Variants in TP73 observed in about 807,000 individuals in gnomAD.
TP73 encodes the protein p53-like transcription factor.
TP73 carries 25 observed loss-of-function variants against 62.5 expected under a neutral mutation model. The ratio of observed to expected loss-of-function variants is 0.40; its 90% CI spans 0.29 to 0.56. The LOEUF is 0.56. TP73 is among the 20% of genes least tolerant of loss of function. The probability of loss-of-function intolerance (pLI) is 0.46; values close to 1 mark genes in which losing one functional copy is unlikely to be tolerated. For synonymous variants in TP73, 423 were observed against 377.5 expected (o/e 1.12, Z -1.40); for missense variants, 754 against 913.3 (o/e 0.83, Z 2.25).
At chr1:3,693,170 G>A (rs138436018) in intron 3 of TP73, among the ~76,000 whole-genome samples, 9 of 152,322 alleles carry the variant, frequency 5.9e-5, no homozygotes, top group Admixed American at 2.6e-4. Context: ...CCTAATGGGC[G>A]GAGTGGTGAC....
chr1:3,673,408 G>A (rs1570399836), intron 1 of TP73, among the ~76,000 whole-genome samples: 3 of 152,188 alleles, frequency 2.0e-5, no homozygotes, highest in Non-Finnish European at 4.4e-5. Context: ...ATGGCAACTC[G>A]ATACGGTTTA....
chr1:3,684,973 C>T lies in TP73; in HGVS notation c.186+1793C>T, dbSNP rs1220623743. On this transcript the variant is annotated intron_variant, in intron 3 of 13. Transcript: ENST00000378295. ...TGCTCTCTGGGGACAAGGGTCCTGA[C>T]CCCACCCCCTCCAGGTCCCCTTCTG... Among the ~76,000 whole-genome samples the T allele has an allele frequency of 3.9e-5, 6 of 152,262 alleles. No individual in the cohort carries two copies. In the East Asian group the frequency reaches 9.7e-4, roughly 25 times the overall value.
intron 12 of TP73, among the ~76,000 whole-genome samples, 171 bp from the exon 13 acceptor site, chr1:3,731,292 C>A (rs1642119548): frequency 6.6e-6 from 1 of 152,236 alleles, no homozygotes; most frequent in South Asian, 2.1e-4. Context: ...GACCTGTCCC[C>A]AGCTGAGCAC....
chr1:3,687,291 G>C (rs1645683470), intron 3 of TP73, among the ~76,000 whole-genome samples: 1 of 152,192 alleles, frequency 6.6e-6, no homozygotes, highest in South Asian at 2.1e-4. Context: ...CAGGACCCTG[G>C]CTGGTTCCCT....
intron 7 of TP73, 120 bp downstream of exon 7, chr1:3,727,344 T>A (rs994740323): frequency 3.7e-6 from 4 of 1,091,488 alleles, no homozygotes; most frequent in Non-Finnish European, 5.3e-6. Flanking sequence ...GACTTTGGGG[T>A]GTGCTGCTGG....
At chr1:3,705,619 C>T (rs370813136) in intron 3 of TP73, among the ~76,000 whole-genome samples, 88 of 152,342 alleles carry the variant, frequency 5.8e-4, no homozygotes, top group African/African-American at 2.0e-3. Context: ...GGCTGGAGCA[C>T]ACAGGGAGAG....
chr1:3,655,301 C>T (rs763058957), intron 1 of TP73, among the ~76,000 whole-genome samples: 4 of 152,086 alleles, frequency 2.6e-5, no homozygotes, highest in African/African-American at 4.8e-5. Context: ...GCAGGAGAAT[C>T]GCTTGAACTT....
intron 1 of TP73, among the ~76,000 whole-genome samples, chr1:3,679,107 G>A (rs2102073243): frequency 6.6e-6 from 1 of 152,346 alleles, no homozygotes; most frequent in African/African-American, 2.4e-5. Flanking sequence ...GTGGGTGCCG[G>A]TCAGGGGATG....
Position 3,728,156 on chromosome 1 carries a change from C to G in TP73, c.1013C>G (p.Pro338Arg). ...TTCAAGCAGAGCCCCCCTGCCGTCC[C>G]CGCCCTTGGTGCCGGTGTGAAGAAG... ...RAFKQSPPAV[P>R]ALGAGVKKRR... The change falls in exon 9 of 14, where the codon CCC (proline) becomes CGC (arginine). Residue 338 changes from proline (P) to arginine (R), a missense_variant. Physicochemically the swap from Pro to Arg is moderately radical, Grantham distance 103. This residue lies in a region of TP73 where 458 missense variants were observed against 528.7 expected (regional missense o/e 0.87). Coordinates refer to ENST00000378295, the MANE Select transcript of TP73 (RefSeq NM_005427.4). 1 of 1,611,780 alleles carries G rather than the reference C, an allele frequency of 6.2e-7. No individual in the cohort carries two copies.
chr1:3,717,194 G>A (rs902740546), intron 4 of TP73, among the ~76,000 whole-genome samples: 7 of 152,206 alleles, frequency 4.6e-5, no homozygotes, highest in South Asian at 2.1e-4. Flanking sequence ...CCCAGCTGCC[G>A]GGGAGCGAGG....
At chr1:3,657,407 C>G (rs2101998308) in intron 1 of TP73, among the ~76,000 whole-genome samples, 1 of 152,304 alleles carries the variant, frequency 6.6e-6, no homozygotes. Flanking sequence ...AGATGGACAC[C>G]TGTCCTTGGA....
chr1:3,686,894 C>A (rs566877038), intron 3 of TP73, among the ~76,000 whole-genome samples: 2 of 152,220 alleles, frequency 1.3e-5, no homozygotes, highest in African/African-American at 4.8e-5. Flanking sequence ...GGCTCCAAGT[C>A]ACCCACGATG....
chr1:3,707,806 T>A lies in TP73; in HGVS notation c.429+15T>A. On this transcript the variant is annotated intron_variant, in intron 4 of 13. Transcript: ENST00000378295. ...CCACCTGGACGGTGAGTTCCCCTAG[T>A]CCCTGAGGGCTGCGGGCTGCGGGCT... 6.2e-7 allele frequency: 1 copy of A among 1,609,580 alleles called. No individual in the cohort carries two copies. Among genetic ancestry groups the A allele is most frequent in the Non-Finnish European group, 8.5e-7 (1 of 1,178,036 alleles).
rs562282867 is a variant in TP73 at position 3,656,833 on chromosome 1, A to G, written c.-34+4192A>G. On this transcript the variant is annotated intron_variant, in intron 1 of 13. Transcript: ENST00000378295. Reference sequence around the variant, plus strand: ...TGGGGAAAAATGGCACCTTGTATTAACCTCAAAGCAAATTTCAGCATTTCC... The same window carrying G: ...TGGGGAAAAATGGCACCTTGTATTAGCCTCAAAGCAAATTTCAGCATTTCC... Among the ~76,000 whole-genome samples, 3 of 152,332 alleles carry G rather than the reference A, an allele frequency of 2.0e-5. No individual in the cohort carries two copies. The East Asian group carries it at 5.8e-4, about 29-fold the overall frequency.
rs1001124738 is a variant in TP73 at position 3,657,103 on chromosome 1, C to T, written c.-34+4462C>T. On this transcript the variant is annotated intron_variant, in intron 1 of 13. Coordinates refer to ENST00000378295, the MANE Select transcript of TP73 (RefSeq NM_005427.4). Reference sequence around the variant, plus strand: ...TTTTGCTTTTTAAATATTAGGGTCACTTTGTAAGTTTTCTCAGGCTGCTGT... The same window carrying T: ...TTTTGCTTTTTAAATATTAGGGTCATTTTGTAAGTTTTCTCAGGCTGCTGT... 4.6e-5 allele frequency among the ~76,000 whole-genome samples: 7 copies of T among 152,354 alleles called. No individual in the cohort carries two copies. In the South Asian group the frequency reaches 1.2e-3, roughly 27 times the overall value.
chr1:3,728,298 G>A, intron 9 of TP73, 81 bp downstream of exon 9: 4 of 1,457,308 alleles, frequency 2.7e-6, no homozygotes, highest in Admixed American at 1.8e-5. Context: ...GCCATGGGGA[G>A]GGACTCTGGA....
chr1:3,709,664 G>A (rs1354770190), intron 4 of TP73, among the ~76,000 whole-genome samples: 3 of 152,238 alleles, frequency 2.0e-5, no homozygotes, highest in Non-Finnish European at 4.4e-5. Flanking sequence ...AGCAGCAGGA[G>A]CCTCACCACT....
chr1:3,689,325 C>T (rs778613380), intron 3 of TP73, among the ~76,000 whole-genome samples: 12 of 152,234 alleles, frequency 7.9e-5, no homozygotes, highest in Non-Finnish European at 1.5e-4. Context: ...TCTCAGTCGT[C>T]TCCTCCTGAG....
Position 3,693,598 on chromosome 1 carries a change from C to T in TP73, c.186+10418C>T, listed in dbSNP as rs371998537. Among the ~76,000 whole-genome samples, 5 of 152,104 alleles carry T rather than the reference C, an allele frequency of 3.3e-5. No individual in the cohort carries two copies. The East Asian group carries it at 5.8e-4, about 18-fold the overall frequency. On this transcript the variant is annotated intron_variant, in intron 3 of 13. Transcript: ENST00000378295. ...GGTGTTCACCGTAGCTGCTCGGCTG[C>T]GGGGCCCAATGGGAGCCACTGGTTA...
Sources: allele counts gnomAD v4.1 joint callset (sites outside exome capture counted in the v4.1 genomes callset), GRCh38; gene constraint gnomAD v4.1.1; regional missense constraint gnomAD v4.1.1; transcripts MANE v1.5; gene names NCBI Gene and HGNC (gene_info 2026-07-23, HGNC 2026-07-21).